Variants in LNPEP observed in about 807,000 individuals in gnomAD.
LNPEP encodes leucyl and cystinyl aminopeptidase.
A neutral mutation model predicts 120.6 loss-of-function variants in LNPEP; 64 were observed. The ratio of observed to expected loss-of-function variants is 0.53; its 90% CI spans 0.43 to 0.65. The LOEUF is 0.65. LNPEP is among the 30% of genes least tolerant of loss of function. The pLI, the probability that LNPEP is intolerant of heterozygous loss-of-function variation, is 0.00. For missense variants in LNPEP, 1,057 were observed against 1,200.0 expected (o/e 0.88, Z 1.76); for synonymous variants, 435 against 425.4 (o/e 1.02, Z -0.28).
At chr5:96,987,389 T>G (rs1223603242) in intron 4 of LNPEP, among the ~76,000 whole-genome samples, 1 of 152,194 alleles carries the variant, frequency 6.6e-6, no homozygotes, top group Non-Finnish European at 1.5e-5. Flanking sequence ...CAATTATTCT[T>G]GATGATAGAA....
intron 6 of LNPEP, among the ~76,000 whole-genome samples, chr5:96,994,606 A>G (rs2112629617): frequency 6.6e-6 from 1 of 152,180 alleles, no homozygotes; most frequent in African/African-American, 2.4e-5. Flanking sequence ...TAACACCCCC[A>G]TTCTTCCCTA....
chr5:97,014,783 A>G (rs746922248), intron 12 of LNPEP, among the ~76,000 whole-genome samples, 156 bp from the exon 13 acceptor site: 29 of 152,118 alleles, frequency 1.9e-4, no homozygotes, highest in Non-Finnish European at 3.2e-4. Context: ...TTAATCAGAG[A>G]TAATCATATT....
Position 96,979,587 on chromosome 5 carries a change from A to G in LNPEP, c.469A>G (p.Asn157Asp). ...SIGLIQPFAT[N>D]GKLFPWAQIR... The stretch of plus-strand genomic sequence containing the variant: ...TGGACTAATTCAGCCATTTGCAACA[A>G]ATGGGAAATTGTTTCCATGGGCACA... Residue 157 changes from asparagine to aspartate, a missense_variant, in exon 2 of 18, where the codon AAT (asparagine) becomes GAT (aspartate). Coordinates refer to ENST00000231368, the MANE Select transcript of LNPEP (RefSeq NM_005575.3). The G allele has an allele frequency of 1.2e-6, 2 of 1,614,112 alleles. No individual in the cohort carries two copies. The highest frequency in any genetic ancestry group is 1.7e-6 in the Non-Finnish European group (2 of 1,179,976).
In LNPEP at chr5:97,033,862, T is replaced by C. The variant is rs1791520234; in HGVS notation, c.*5329T>C. 1 of 152,172 alleles carries C rather than the reference T, an allele frequency of 6.6e-6. No homozygotes were observed. The highest frequency in any genetic ancestry group is 1.5e-5 in the Non-Finnish European group (1 of 68,022). The allele number at this position is 152,172 out of a possible 1,614,324, so 9.4% of individuals were successfully genotyped here. On this transcript the variant is annotated 3_prime_UTR_variant, in exon 18 of 18. Coordinates refer to ENST00000231368, the MANE Select transcript of LNPEP (RefSeq NM_005575.3). Reference sequence around the variant, plus strand: ...AGGTTCCTAATGAGCCATGGAGTTATGGATGTATAACAATCTGTTCTCCCT... The same window carrying C: ...AGGTTCCTAATGAGCCATGGAGTTACGGATGTATAACAATCTGTTCTCCCT...
intron 1 of LNPEP, among the ~76,000 whole-genome samples, chr5:96,972,435 C>A (rs1789889260): frequency 6.6e-6 from 1 of 152,090 alleles, no homozygotes; most frequent in South Asian, 2.1e-4. Context: ...TGCTTGACCT[C>A]TAGTATTTCT....
chr5:97,025,259 T>C (rs1164324351), intron 15 of LNPEP, among the ~76,000 whole-genome samples: 1 of 152,118 alleles, frequency 6.6e-6, no homozygotes, highest in African/African-American at 2.4e-5. Context: ...GTATCTGCTG[T>C]AGAGAGCACA....
rs1252037669 is a variant in LNPEP at position 97,024,770 on chromosome 5, C to A, written c.2723+88C>A. On this transcript the variant is annotated intron_variant, in intron 15 of 17. Coordinates refer to ENST00000231368, the MANE Select transcript of LNPEP (RefSeq NM_005575.3). Reference sequence around the variant, plus strand: ...GTCAGGAGCTCATTTTTGAGGGGATCTCTTTTCCCCACTTCTGTTACAGGC... The same window carrying A: ...GTCAGGAGCTCATTTTTGAGGGGATATCTTTTCCCCACTTCTGTTACAGGC... 2.5e-6 allele frequency: 3 copies of A among 1,196,598 alleles called. No homozygotes were observed. In the East Asian group the frequency reaches 7.2e-5, roughly 29 times the overall value. 74.1% of individuals were successfully genotyped at this position (1,196,598 alleles called of 1,614,324 possible).
In LNPEP at chr5:97,026,711, C is replaced by T. The variant is rs150153611; in HGVS notation, c.2818C>T (p.Leu940=). ...TVGRHFPGHL[L]AWDFVKENWN... The stretch of plus-strand genomic sequence containing the variant: ...GGGTCGACATTTTCCTGGACACTTA[C>T]TGGCATGGGATTTTGTCAAAGAGAA... Residue 940 remains leucine, a synonymous_variant, in exon 16 of 18, where the codon CTG becomes TTG. Coordinates refer to ENST00000231368, the MANE Select transcript of LNPEP (RefSeq NM_005575.3). 5 of 1,613,148 alleles carry T rather than the reference C, an allele frequency of 3.1e-6. No homozygotes were observed. The highest frequency in any genetic ancestry group is 1.3e-5 in the African/African-American group (1 of 74,910).
intron 1 of LNPEP, among the ~76,000 whole-genome samples, chr5:96,960,646 G>A (rs953232909): frequency 5.3e-5 from 8 of 151,988 alleles, no homozygotes; most frequent in Non-Finnish European, 1.0e-4. Flanking sequence ...GTAAGAAGAC[G>A]GGAAAATAGT....
intron 2 of LNPEP, among the ~76,000 whole-genome samples, chr5:96,980,420 T>C (rs1425191024): frequency 1.3e-5 from 2 of 152,164 alleles, no homozygotes; most frequent in Non-Finnish European, 2.9e-5. Flanking sequence ...TGCTTACATA[T>C]ATCATTTTTA....
At chr5:96,964,343 A>C (rs926673189) in intron 1 of LNPEP, among the ~76,000 whole-genome samples, 1 of 151,536 alleles carries the variant, frequency 6.6e-6, no homozygotes, top group Non-Finnish European at 1.5e-5. Context: ...TCTATTTTTT[A>C]ATATAAAAAT....
Position 96,973,019 on chromosome 5 carries a change from G to A in LNPEP, c.20-6119G>A, listed in dbSNP as rs572654900. On this transcript the variant is annotated intron_variant, in intron 1 of 17. Coordinates refer to ENST00000231368, the MANE Select transcript of LNPEP (RefSeq NM_005575.3). Reference sequence around the variant, plus strand: ...CTAGGGGTAAAGTAGTAATGCATGCGGGACTTTACATGTTCATATTTTATG... The same window carrying A: ...CTAGGGGTAAAGTAGTAATGCATGCAGGACTTTACATGTTCATATTTTATG... Among the ~76,000 whole-genome samples, 6 of 152,174 alleles carry A rather than the reference G, an allele frequency of 3.9e-5. No individual in the cohort carries two copies. In the South Asian group the frequency reaches 1.0e-3, roughly 26 times the overall value.
Position 96,993,737 on chromosome 5 carries a change from TA to T in LNPEP, c.1253-77del, listed in dbSNP as rs1403893651. 2.3e-6 allele frequency: 3 copies of T among 1,286,984 alleles called. No homozygotes were observed. The African/African-American group carries it at 4.4e-5, about 19-fold the overall frequency. The allele number at this position is 1,286,984 out of a possible 1,614,324, so 79.7% of individuals were successfully genotyped here. A position where few individuals can be genotyped will look rare whatever the true frequency, so the allele number is the denominator to read the frequency against. On this transcript the variant is annotated intron_variant, in intron 5 of 17. Coordinates refer to ENST00000231368, the MANE Select transcript of LNPEP (RefSeq NM_005575.3). Reference sequence around the variant, plus strand: ...AAAGAATTCATTGCTTTCACAGTGATAAACCATTGAATAAAATACTTTGAGT... The same window carrying T: ...AAAGAATTCATTGCTTTCACAGTGATAACCATTGAATAAAATACTTTGAGT...
At chr5:96,999,033 A>G (rs774237358) in intron 8 of LNPEP, among the ~76,000 whole-genome samples, 13 of 152,166 alleles carry the variant, frequency 8.5e-5, no homozygotes, top group African/African-American at 1.7e-4. Flanking sequence ...ACCACAGTGG[A>G]AGCCACACGT....
At chr5:97,013,857 T>A in intron 12 of LNPEP, 26 bp downstream of exon 12, 4 of 1,526,806 alleles carry the variant, frequency 2.6e-6, no homozygotes, top group Non-Finnish European at 1.8e-6. Context: ...TTTGAGATTT[T>A]TTCTTTTTTT....
intron 1 of LNPEP, among the ~76,000 whole-genome samples, chr5:96,977,674 A>T (rs1390311162): frequency 6.6e-6 from 1 of 152,166 alleles, no homozygotes; most frequent in Non-Finnish European, 1.5e-5. Flanking sequence ...TTTATCAATA[A>T]TATGTTTTAT....
intron 12 of LNPEP, among the ~76,000 whole-genome samples, chr5:97,014,185 A>C (rs1037694024): frequency 6.6e-6 from 1 of 152,170 alleles, no homozygotes; most frequent in Non-Finnish European, 1.5e-5. Context: ...GTGCTTATGC[A>C]TTGGTTTTGA....
rs568000127 is a variant in LNPEP at position 97,035,231 on chromosome 5, A to G, written c.*6698A>G. 2 of 152,098 alleles carry G rather than the reference A, an allele frequency of 1.3e-5. No homozygotes were observed. The highest frequency in any genetic ancestry group is 2.9e-5 in the Non-Finnish European group (2 of 67,970). The allele number at this position is 152,098 out of a possible 1,614,324, so 9.4% of individuals were successfully genotyped here. ...GGAAAGGACAGTGTCTATACTTTTT[A>G]AAGATGTATATAAATGTTTCATGTT... On this transcript the variant is annotated 3_prime_UTR_variant, in exon 18 of 18. Coordinates refer to ENST00000231368, the MANE Select transcript of LNPEP (RefSeq NM_005575.3).
chr5:97,013,514 A>G (rs960517071), intron 11 of LNPEP, 134 bp from the exon 12 acceptor site: 17 of 477,100 alleles, frequency 3.6e-5, no homozygotes, highest in African/African-American at 2.0e-4. Context: ...AAATAACTGT[A>G]CTTGGAGACA....
Sources: allele counts gnomAD v4.1 joint callset (sites outside exome capture counted in the v4.1 genomes callset), GRCh38; gene constraint gnomAD v4.1.1; transcripts MANE v1.5; gene names NCBI Gene and HGNC (gene_info 2026-07-23, HGNC 2026-07-21).